The following TSHZ2 variants were observed in gnomAD, a reference collection of about 807,000 sequenced individuals.
The protein encoded by TSHZ2 is teashirt homolog 2.
Under a neutral mutation model 74.4 loss-of-function variants are expected in TSHZ2, and 21 were observed. The ratio of observed to expected loss-of-function variants is 0.28; its 90% CI spans 0.20 to 0.41. The LOEUF is 0.41. Among genes scored for constraint, TSHZ2 ranks in the 10% least tolerant of loss-of-function variants. The probability of loss-of-function intolerance (pLI) is 1.00; values close to 1 mark genes in which losing one functional copy is unlikely to be tolerated. For missense variants in TSHZ2, 1,244 were observed against 1,293.5 expected (o/e 0.96, Z 0.59); for synonymous variants, 540 against 515.3 (o/e 1.05, Z -0.65).
At chr20:53,380,394 A>G (rs750030243) in intron 2 of TSHZ2, among the ~76,000 whole-genome samples, 1 of 152,182 alleles carries the variant, frequency 6.6e-6, no homozygotes, top group African/African-American at 2.4e-5. Context: ...AATGAGGTGA[A>G]GTTTTTAAAG....
chr20:53,009,278 C>T (rs930191548), intron 1 of TSHZ2, among the ~76,000 whole-genome samples: 2 of 152,106 alleles, frequency 1.3e-5, no homozygotes, highest in African/African-American at 4.8e-5. Context: ...GTTGAGGCTG[C>T]AGTGAGCCGT....
At chr20:53,393,212 C>G (rs1982325707) in intron 2 of TSHZ2, among the ~76,000 whole-genome samples, 1 of 152,178 alleles carries the variant, frequency 6.6e-6, no homozygotes, top group Non-Finnish European at 1.5e-5. Context: ...TTCTTTGTGT[C>G]CATGTGTACT....
chr20:53,055,811 T>C (rs1472373449), intron 1 of TSHZ2, among the ~76,000 whole-genome samples: 1 of 152,250 alleles, frequency 6.6e-6, no homozygotes, highest in Non-Finnish European at 1.5e-5. Flanking sequence ...GCCTGCAGTC[T>C]GGCTTTGTAA....
intron 1 of TSHZ2, among the ~76,000 whole-genome samples, chr20:53,047,666 T>C (rs963695138): frequency 6.6e-6 from 1 of 151,840 alleles, no homozygotes; most frequent in African/African-American, 2.4e-5. Context: ...AACAAGTAAT[T>C]CAGACTTAAG....
intron 2 of TSHZ2, among the ~76,000 whole-genome samples, 171 bp from the exon 3 acceptor site, chr20:53,486,973 G>A (rs945659638): frequency 6.6e-6 from 1 of 152,004 alleles, no homozygotes. Context: ...TCTCAAAGTT[G>A]ACTCCTCCTT....
chr20:53,211,224 G>T, intron 1 of TSHZ2, among the ~76,000 whole-genome samples: 1 of 152,116 alleles, frequency 6.6e-6, no homozygotes, highest in Non-Finnish European at 1.5e-5. Flanking sequence ...GAGACTTTAA[G>T]TAACTTTCCC....
chr20:52,979,160 C>T (rs1176461644), intron 1 of TSHZ2, among the ~76,000 whole-genome samples: 1 of 152,074 alleles, frequency 6.6e-6, no homozygotes, highest in Non-Finnish European at 1.5e-5. Context: ...ACATGTAACA[C>T]TATTTTCACT....
At chr20:53,275,634 G>C (rs567255791) in intron 2 of TSHZ2, among the ~76,000 whole-genome samples, 6 of 152,264 alleles carry the variant, frequency 3.9e-5, no homozygotes, top group African/African-American at 1.2e-4. Flanking sequence ...GGTTAAAACT[G>C]TTCAGCATGT....
At chr20:53,231,037 CTGCTTT>C in intron 1 of TSHZ2, among the ~76,000 whole-genome samples, 1 of 152,178 alleles carries the variant, frequency 6.6e-6, no homozygotes, top group African/African-American at 2.4e-5. Flanking sequence ...GACTTTCTGT[CTGCTTT>C]GCTTTCTTGA....
At chr20:53,428,876 A>T (rs1380461767) in intron 2 of TSHZ2, among the ~76,000 whole-genome samples, 2 of 152,268 alleles carry the variant, frequency 1.3e-5, no homozygotes, top group Non-Finnish European at 2.9e-5. Context: ...TCTCTGCTCT[A>T]TCAGGAAATG....
At chr20:53,286,008 TAATC>T (rs1422640883) in intron 2 of TSHZ2, among the ~76,000 whole-genome samples, 3 of 152,274 alleles carry the variant, frequency 2.0e-5, no homozygotes, top group South Asian at 2.1e-4. Flanking sequence ...TGCTACATAA[TAATC>T]AATTTATTTT....
intron 1 of TSHZ2, among the ~76,000 whole-genome samples, chr20:53,017,978 A>T (rs2123023580): frequency 6.6e-6 from 1 of 152,336 alleles, no homozygotes; most frequent in Middle Eastern, 3.4e-3. Flanking sequence ...ACCTAGGTGG[A>T]GTATGCAATG....
intron 1 of TSHZ2, among the ~76,000 whole-genome samples, chr20:53,135,798 T>C (rs753132356): frequency 2.2e-4 from 33 of 151,350 alleles, no homozygotes; most frequent in Non-Finnish European, 4.4e-4. Flanking sequence ...AGAAATAGGG[T>C]CTCCCTATGT....
intron 1 of TSHZ2, among the ~76,000 whole-genome samples, chr20:53,057,618 T>C (rs1335882448): frequency 6.6e-6 from 1 of 152,194 alleles, no homozygotes; most frequent in African/African-American, 2.4e-5. Context: ...CCCCAAGGAT[T>C]TGAAGTCCCT....
At chr20:53,164,376 T>G (rs975604818) in intron 1 of TSHZ2, among the ~76,000 whole-genome samples, 3 of 152,130 alleles carry the variant, frequency 2.0e-5, no homozygotes, top group Admixed American at 6.5e-5. Context: ...AAATATTTCA[T>G]AGTTTACAAC....
At chr20:53,052,244 T>C (rs1237347004) in intron 1 of TSHZ2, among the ~76,000 whole-genome samples, 1 of 152,198 alleles carries the variant, frequency 6.6e-6, no homozygotes, top group Admixed American at 6.5e-5. Context: ...GTTGTCTTTT[T>C]GTGACTGGCT....
intron 1 of TSHZ2, among the ~76,000 whole-genome samples, chr20:53,203,217 C>G (rs1011472203): frequency 2.2e-5 from 3 of 133,820 alleles, no homozygotes; most frequent in Admixed American, 1.6e-4. Flanking sequence ...TTTTTTGAGA[C>G]GGAGTCTCAC....
chr20:53,038,884 T>TTTTG (rs3070069), intron 1 of TSHZ2, among the ~76,000 whole-genome samples: 55,138 of 143,952 alleles, frequency 0.38, 11,806 homozygotes, highest in East Asian at 0.64. Context: ...GTTTGTTTTG[T>TTTTG]TTTGTTTGTT....
At chr20:53,415,031 C>T (rs4811431) in intron 2 of TSHZ2, among the ~76,000 whole-genome samples, 3,454 of 152,216 alleles carry the variant, frequency 0.023, 127 homozygotes, top group East Asian at 0.15. Flanking sequence ...TTATTATACA[C>T]GGTGGCTGAT....
Sources: allele counts gnomAD v4.1 joint callset (sites outside exome capture counted in the v4.1 genomes callset), GRCh38; gene constraint gnomAD v4.1.1; transcripts MANE v1.5; gene names NCBI Gene and HGNC (gene_info 2026-07-23, HGNC 2026-07-21).